VGLL4: variants seen among roughly 807,000 people sequenced by gnomAD.
The protein encoded by VGLL4 is vestigial like family member 4.
Under a neutral mutation model 21.0 loss-of-function variants are expected in VGLL4, and 7 were observed. The ratio of observed to expected loss-of-function variants is 0.33; its 90% CI spans 0.19 to 0.63. VGLL4 has a LOEUF of 0.63. VGLL4 is among the 20% of genes least tolerant of loss of function. VGLL4 has a pLI of 0.78. For synonymous variants in VGLL4, 222 were observed against 173.2 expected, an observed-to-expected ratio of 1.28 and a Z score of -2.21; for missense variants, 394 against 425.7, an observed-to-expected ratio of 0.93 and a Z score of 0.66.
chr3:11,710,577 A>G (rs1200145531), intron 1 of VGLL4: 3 of 152,264 alleles, frequency 2.0e-5, no homozygotes, highest in Non-Finnish European at 4.4e-5. Flanking sequence ...ACAGACAGAC[A>G]TCACTATCCT....
chr3:11,677,740 A>C (rs995853658), intron 2 of VGLL4, among the ~76,000 whole-genome samples: 3 of 151,966 alleles, frequency 2.0e-5, no homozygotes, highest in Non-Finnish European at 4.4e-5. Flanking sequence ...CCTAGTCTCT[A>C]CTAAAAAACA....
intron 1 of VGLL4, among the ~76,000 whole-genome samples, chr3:11,716,494 G>T (rs776618571): frequency 1.3e-5 from 2 of 152,042 alleles, no homozygotes; most frequent in African/African-American, 4.8e-5. Flanking sequence ...AAATGTCGAA[G>T]AAAGTGTCAG....
chr3:11,689,029 AAGAG>A (rs1335051585), intron 2 of VGLL4, among the ~76,000 whole-genome samples: 3 of 152,088 alleles, frequency 2.0e-5, no homozygotes, highest in Admixed American at 6.5e-5. Context: ...TCAAAAAAAA[AAGAG>A]AGAGAGAGAT....
chr3:11,714,918 G>A (rs1354970026), intron 1 of VGLL4, among the ~76,000 whole-genome samples: 1 of 152,044 alleles, frequency 6.6e-6, no homozygotes, highest in Non-Finnish European at 1.5e-5. Flanking sequence ...GGCGGATCAC[G>A]AGGTCAGGAG....
At chr3:11,582,194 T>A in intron 2 of VGLL4, 1 of 1,453,252 alleles carries the variant, frequency 6.9e-7, no homozygotes, top group South Asian at 1.2e-5. Flanking sequence ...TGTCTCGCAG[T>A]TTAAATTAAT....
At chr3:11,598,935 T>TAC (rs2074712442) in intron 2 of VGLL4, among the ~76,000 whole-genome samples, 1 of 152,240 alleles carries the variant, frequency 6.6e-6, no homozygotes, top group African/African-American at 2.4e-5. Flanking sequence ...CTTAAAGAGA[T>TAC]ACACTAGGCT....
At chr3:11,643,059 C>T (rs1054862632) in intron 1 of VGLL4, among the ~76,000 whole-genome samples, 1 of 152,200 alleles carries the variant, frequency 6.6e-6, no homozygotes, top group African/African-American at 2.4e-5. Flanking sequence ...ACGGTGCAAT[C>T]CTTACCAGCC....
At chr3:11,690,339 T>C (rs1575534240) in intron 2 of VGLL4, among the ~76,000 whole-genome samples, 2 of 152,364 alleles carry the variant, frequency 1.3e-5, no homozygotes, top group East Asian at 3.9e-4. Context: ...TATTTACCTT[T>C]TGTTATTTAA....
chr3:11,674,258 C>T (rs935140448), intron 2 of VGLL4, among the ~76,000 whole-genome samples: 6 of 152,020 alleles, frequency 3.9e-5, no homozygotes, highest in Non-Finnish European at 7.4e-5. Context: ...AGAGTGACCC[C>T]GGAAAGAGGA....
chr3:11,641,995 T>C lies in VGLL4; in HGVS notation c.82+1442A>G, dbSNP rs532912558. Among the ~76,000 whole-genome samples, 12 of 151,984 alleles carry C rather than the reference T, an allele frequency of 7.9e-5. No homozygotes were observed. In the East Asian group the frequency reaches 2.3e-3, roughly 29 times the overall value. On this transcript the variant is annotated intron_variant, in intron 1 of 4. Coordinates refer to ENST00000430365, the MANE Select transcript of VGLL4 (RefSeq NM_001128219.3). Reference sequence around the variant, plus strand: ...ACAGAAATTGCCTCAGAAGTTTTTCTTTCTTGTTGGGGGAAGCGGGGATGG... The same window carrying C: ...ACAGAAATTGCCTCAGAAGTTTTTCCTTCTTGTTGGGGGAAGCGGGGATGG...
At chr3:11,671,168 C>A in intron 2 of VGLL4, 2 of 1,371,688 alleles carry the variant, frequency 1.5e-6, no homozygotes, top group East Asian at 2.4e-5. Context: ...ATAAACATAC[C>A]ACACTTTTCT....
intron 1 of VGLL4, among the ~76,000 whole-genome samples, chr3:11,636,496 A>G (rs1001946126): frequency 6.6e-6 from 1 of 152,226 alleles, no homozygotes; most frequent in Non-Finnish European, 1.5e-5. Context: ...TATACAATAT[A>G]GGGTATTGTT....
At chr3:11,563,770 A>G (rs1325903340) in intron 3 of VGLL4, among the ~76,000 whole-genome samples, 2 of 152,220 alleles carry the variant, frequency 1.3e-5, no homozygotes, top group Non-Finnish European at 2.9e-5. Flanking sequence ...CCATTTTGTT[A>G]AATGGATGAA....
intron 2 of VGLL4, among the ~76,000 whole-genome samples, chr3:11,684,658 G>C (rs778084847): frequency 2.3e-4 from 35 of 151,908 alleles, no homozygotes; most frequent in Non-Finnish European, 4.3e-4. Flanking sequence ...TGGGATTACA[G>C]ATGTGAGCCA....
upstream of VGLL4, among the ~76,000 whole-genome samples, chr3:11,645,224 C>A: frequency 6.6e-6 from 1 of 150,854 alleles, no homozygotes; most frequent in Non-Finnish European, 1.5e-5. Flanking sequence ...ATTTGAATTA[C>A]TATTCTAAAA....
intron 2 of VGLL4, among the ~76,000 whole-genome samples, chr3:11,670,093 C>G (rs527435053): frequency 6.7e-6 from 1 of 150,114 alleles, no homozygotes; most frequent in Non-Finnish European, 1.5e-5. Context: ...GAGGAGGGTG[C>G]GGGGAACATG....
chr3:11,607,526 A>G (rs1262818395), intron 1 of VGLL4: 2 of 152,228 alleles, frequency 1.3e-5, no homozygotes, highest in African/African-American at 4.8e-5. Flanking sequence ...ATAACTCTAA[A>G]TATGCTAAAA....
At chr3:11,697,609 A>G (rs368842474) in intron 2 of VGLL4, among the ~76,000 whole-genome samples, 1 of 151,898 alleles carries the variant, frequency 6.6e-6, no homozygotes, top group Non-Finnish European at 1.5e-5. Context: ...GAAAGAAATC[A>G]TAAGAGAAAA....
chr3:11,635,074 A>C (rs995586686), intron 1 of VGLL4, among the ~76,000 whole-genome samples: 18 of 152,226 alleles, frequency 1.2e-4, no homozygotes, highest in Admixed American at 1.0e-3. Context: ...AAAAAGACTG[A>C]ACTTGCCACT....
Sources: allele counts gnomAD v4.1 joint callset (sites outside exome capture counted in the v4.1 genomes callset), GRCh38; gene constraint gnomAD v4.1.1; transcripts MANE v1.5; gene names NCBI Gene and HGNC (gene_info 2026-07-23, HGNC 2026-07-21).